Variants in PLAA observed in about 807,000 individuals in gnomAD.
The protein encoded by PLAA is phospholipase A-2-activating protein.
A neutral mutation model predicts 84.1 loss-of-function variants in PLAA; 48 were observed. The observed-to-expected ratio is 0.57, with a 90% CI of 0.45 to 0.73. PLAA has a LOEUF of 0.73. Ranked by LOEUF, PLAA falls within the 30% of genes least tolerant of loss-of-function variation. PLAA has a pLI of 0.00. For synonymous variants in PLAA, 392 were observed against 336.6 expected, an observed-to-expected ratio of 1.16 and a Z score of -1.80; for missense variants, 903 against 954.7, an observed-to-expected ratio of 0.95 and a Z score of 0.71.
rs967644773 is a variant in PLAA at position 26,947,186 on chromosome 9, T to C, written c.-141A>G. 4 of 1,015,666 alleles carry C rather than the reference T, an allele frequency of 3.9e-6. No homozygotes were observed. Among genetic ancestry groups the C allele is most frequent in the Non-Finnish European group, 5.4e-6 (4 of 738,918 alleles). 62.9% of individuals were successfully genotyped at this position (1,015,666 alleles called of 1,614,324 possible). ...GAGACCGGAAGAGCCCGAGAGCCGG[T>C]ACGGAAGGGCGGCTGGGAAGGGGCG... On this transcript the variant is annotated 5_prime_UTR_variant, in exon 1 of 14. Coordinates refer to ENST00000397292, the MANE Select transcript of PLAA (RefSeq NM_001031689.3).
At chr9:26,920,522 A>G (rs913705186) in intron 7 of PLAA, 138 bp from the exon 8 acceptor site, 1 of 546,814 alleles carries the variant, frequency 1.8e-6, no homozygotes. Flanking sequence ...GTATCAAATA[A>G]AAGATTTAAA....
chr9:26,931,723 GAAAA>G (rs959029636), intron 2 of PLAA, among the ~76,000 whole-genome samples: 1 of 152,070 alleles, frequency 6.6e-6, no homozygotes, highest in Non-Finnish European at 1.5e-5. Context: ...TAAGCAACAA[GAAAA>G]AAAGAAAGAA....
At position 26,905,720 on chromosome 9, in the gene PLAA, A is replaced by G. The variant is rs776522650; in HGVS notation, c.2179T>C (p.Ser727Pro). The G allele has an allele frequency of 6.2e-7, 1 of 1,614,140 alleles. No homozygotes were observed. Among genetic ancestry groups the G allele is most frequent in the South Asian group, 1.1e-5 (1 of 91,080 alleles). The change falls in exon 14 of 14, where the codon TCA becomes CCA. Residue 727 changes from serine (S) to proline (P), a missense_variant. Coordinates refer to ENST00000397292, the MANE Select transcript of PLAA (RefSeq NM_001031689.3). ...ACTTCCAAGATTGTGCTAATTAGTG[A>G]CAAACATTGGGCTTTCCCTTCAATG... is the stretch of plus-strand genomic sequence containing the variant. Reference protein sequence around the residue: ...HNIEGKAQCLSLISTILEVVQ... With the variant: ...HNIEGKAQCLPLISTILEVVQ...
At chr9:26,921,055 G>C (rs990504525) in intron 7 of PLAA, among the ~76,000 whole-genome samples, 3 of 152,058 alleles carry the variant, frequency 2.0e-5, no homozygotes, top group African/African-American at 7.2e-5. Context: ...CTCTTGAGTA[G>C]TGTACAAGAC....
At chr9:26,912,882 T>C (rs1824440039) in intron 11 of PLAA, among the ~76,000 whole-genome samples, 1 of 152,162 alleles carries the variant, frequency 6.6e-6, no homozygotes, top group South Asian at 2.1e-4. Context: ...TATACTTCAG[T>C]ATTGCTAACC....
At chr9:26,908,138 AAAGT>A in intron 12 of PLAA, 140 bp from the exon 13 acceptor site, 1 of 571,920 alleles carries the variant, frequency 1.7e-6, no homozygotes, top group Non-Finnish European at 3.0e-6. Context: ...CAAACACCAT[AAAGT>A]AAGGATAAGG....
Position 26,933,514 on chromosome 9 carries a change from C to A in PLAA, c.343+1499G>T, listed in dbSNP as rs140632482. 2.9e-3 allele frequency among the ~76,000 whole-genome samples: 444 copies of A among 151,740 alleles called. 4 individuals are homozygous for A. Among genetic ancestry groups the A allele is most frequent in the African/African-American group, 0.01 (432 of 41,454 alleles). On this transcript the variant is annotated intron_variant, in intron 2 of 13. Coordinates refer to ENST00000397292, the MANE Select transcript of PLAA (RefSeq NM_001031689.3). ...TAAAAAATTATTTTTGTTGGCCAGG[C>A]GCAGTGGCTCACGCCTGTAATCCCA...
chr9:26,938,769 TA>T (rs924466446), intron 1 of PLAA, among the ~76,000 whole-genome samples: 2 of 152,142 alleles, frequency 1.3e-5, no homozygotes, highest in African/African-American at 2.4e-5. Flanking sequence ...AACATTACAT[TA>T]AAAAAATTAG....
intron 13 of PLAA, among the ~76,000 whole-genome samples, chr9:26,907,092 A>T (rs115551346): frequency 0.022 from 3,273 of 151,562 alleles, 116 homozygotes; most frequent in African/African-American, 0.075. Context: ...AAAAAAAATA[A>T]CAGGCAAGGA....
Position 26,903,517 on chromosome 9 carries a change from T to A in PLAA, c.*1994A>T, listed in dbSNP as rs908548340. On this transcript the variant is annotated 3_prime_UTR_variant, in exon 14 of 14. Coordinates refer to ENST00000397292, the MANE Select transcript of PLAA (RefSeq NM_001031689.3). ...ACATAGTCACTATGCCACAAGATGT[T>A]AAGAATAGTTTTCTCTAGATAGTGG... Among the ~76,000 whole-genome samples, 2 of 152,224 alleles carry A rather than the reference T, an allele frequency of 1.3e-5. No individual in the cohort carries two copies.
At chr9:26,939,809 G>A (rs1489769125) in intron 1 of PLAA, among the ~76,000 whole-genome samples, 1 of 151,488 alleles carries the variant, frequency 6.6e-6, no homozygotes, top group African/African-American at 2.4e-5. Context: ...AGACAAAGAA[G>A]GATATTATAT....
At chr9:26,928,500 C>T in intron 2 of PLAA, 92 bp from the exon 3 acceptor site, 1 of 874,920 alleles carries the variant, frequency 1.1e-6, no homozygotes, top group East Asian at 2.6e-5. Context: ...TAAAAACACT[C>T]TTTGAAGTGG....
At chr9:26,942,873 G>C (rs1216675469) in intron 1 of PLAA, among the ~76,000 whole-genome samples, 2 of 78,120 alleles carry the variant, frequency 2.6e-5, no homozygotes, top group South Asian at 1.1e-3. Context: ...AGCGAGACTC[G>C]TCTCAAAAAA....
intron 1 of PLAA, 22 bp from the exon 2 acceptor site, chr9:26,935,228 T>G: frequency 6.8e-7 from 1 of 1,478,254 alleles, no homozygotes; most frequent in Non-Finnish European, 9.1e-7. Context: ...AGATAATTAA[T>G]AGATACATAT....
At chr9:26,917,817 CA>C (rs1368211629) in intron 9 of PLAA, among the ~76,000 whole-genome samples, 1 of 151,946 alleles carries the variant, frequency 6.6e-6, no homozygotes, top group Non-Finnish European at 1.5e-5. Flanking sequence ...AAACAAAAAA[CA>C]AAAAACAAAA....
chr9:26,903,768 T>TA lies in PLAA; in HGVS notation c.*1742dup, dbSNP rs565011145. Among the ~76,000 whole-genome samples the TA allele has an allele frequency of 5.3e-5, 8 of 152,176 alleles. No homozygotes were observed. Among genetic ancestry groups the TA allele is most frequent in the Non-Finnish European group, 1.0e-4 (7 of 68,014 alleles). Reference sequence around the variant, plus strand: ...CAAACATGAAATAGTAAAGTTGACATAAAAAAACTTGCACAGTAATAGGAA... The same window carrying TA: ...CAAACATGAAATAGTAAAGTTGACATAAAAAAAACTTGCACAGTAATAGGAA... On this transcript the variant is annotated 3_prime_UTR_variant, in exon 14 of 14. Coordinates refer to ENST00000397292, the MANE Select transcript of PLAA (RefSeq NM_001031689.3).
intron 10 of PLAA, among the ~76,000 whole-genome samples, chr9:26,914,536 C>T (rs186124328): frequency 2.7e-5 from 4 of 149,474 alleles, no homozygotes; most frequent in Admixed American, 2.0e-4. Flanking sequence ...TTACAACCGG[C>T]GCAAAACATA....
At chr9:26,929,857 G>C (rs970185680) in intron 2 of PLAA, among the ~76,000 whole-genome samples, 1 of 152,118 alleles carries the variant, frequency 6.6e-6, no homozygotes, top group African/African-American at 2.4e-5. Context: ...CTGAATCGTT[G>C]ATGACCAGAA....
intron 6 of PLAA, among the ~76,000 whole-genome samples, chr9:26,925,079 T>C (rs13288415): frequency 1.3e-5 from 2 of 152,194 alleles, no homozygotes; most frequent in Non-Finnish European, 2.9e-5. Flanking sequence ...TTTCTGATTG[T>C]TTTCCTTCTG....
Sources: gnomAD v4.1 joint callset for allele counts (sites outside exome capture counted in the v4.1 genomes callset) on GRCh38, gnomAD v4.1.1 for gene constraint, MANE v1.5 for transcripts, NCBI Gene and HGNC (gene_info 2026-07-23, HGNC 2026-07-21) for gene names.